RAVER1: variants seen among roughly 807,000 people sequenced by gnomAD.
The protein encoded by RAVER1 is ribonucleoprotein, PTB binding 1, also known as ribonucleoprotein PTB-binding 1.
In RAVER1, 36 loss-of-function variants were observed where a neutral mutation model predicts 68.4. The observed-to-expected ratio is 0.53, with a 90% CI of 0.40 to 0.70. RAVER1 has a LOEUF of 0.70. Ranked by LOEUF, RAVER1 falls within the 30% of genes least tolerant of loss-of-function variation. RAVER1 has a pLI of 0.00. For synonymous variants in RAVER1, 469 were observed against 472.7 expected (o/e 0.99, Z 0.10); for missense variants, 933 against 1,019.8 (o/e 0.91, Z 1.16).
chr19:10,332,835 A>G (rs1458460883), intron 1 of RAVER1, among the ~76,000 whole-genome samples: 1 of 152,244 alleles, frequency 6.6e-6, no homozygotes, highest in East Asian at 1.9e-4. Flanking sequence ...TATCTCTGAG[A>G]GCAGTGAATA....
At chr19:10,330,807 T>C (rs1350180364) in intron 1 of RAVER1, among the ~76,000 whole-genome samples, 1 of 152,212 alleles carries the variant, frequency 6.6e-6, no homozygotes, top group Non-Finnish European at 1.5e-5. Context: ...CTCACGCTTA[T>C]AATCCCAGCA....
Position 10,323,499 on chromosome 19 carries a change from G to A in RAVER1, c.824C>T (p.Ala275Val), listed in dbSNP as rs1307252828. ...GTCCGCCTGCTGCTGTGCCTCCTCC[G>A]CCATCTCAGCCGTCTCATACTCCAG... is the stretch of plus-strand genomic sequence containing the variant. ...AVLEYETAEM[A>V]EEAQQQADGL... Residue 275 changes from alanine to valine, a missense_variant, in exon 4 of 13, where the codon GCG becomes GTG. By Grantham distance (64) the Ala-to-Val change is moderately conservative. This residue lies in a region of RAVER1 where 699 missense variants were observed against 731.1 expected (regional missense o/e 0.96). Coordinates refer to ENST00000617231, the MANE Select transcript of RAVER1 (RefSeq NM_133452.3). The surrounding 1 kb of genome is among the most constrained non-coding windows in gnomAD (Gnocchi z 6.2). 3 of 1,609,122 alleles carry A rather than the reference G, an allele frequency of 1.9e-6. No individual in the cohort carries two copies. The highest frequency in any genetic ancestry group is 1.7e-6 in the Non-Finnish European group (2 of 1,179,668).
intron 1 of RAVER1, among the ~76,000 whole-genome samples, chr19:10,331,139 G>T (rs2040513196): frequency 6.6e-6 from 1 of 150,568 alleles, no homozygotes; most frequent in Admixed American, 6.6e-5. Context: ...CACGAGGTCA[G>T]GAGATCGAGA....
chr19:10,320,650 C>G lies in RAVER1; in HGVS notation c.1770+5G>C. The G allele has an allele frequency of 6.5e-7, 1 of 1,548,584 alleles. No individual in the cohort carries two copies. Among genetic ancestry groups the G allele is most frequent in the Non-Finnish European group, 8.7e-7 (1 of 1,149,902 alleles). ...GGGGACAGAGAGCTGCAGCCAGGCACTCACCGAGGGGTAGTCGAAGCTGTA... is the reference window on the plus strand; with the variant it reads ...GGGGACAGAGAGCTGCAGCCAGGCAGTCACCGAGGGGTAGTCGAAGCTGTA... On this transcript the variant is annotated splice_donor_5th_base_variant and intron_variant, in intron 9 of 12. Coordinates refer to ENST00000617231, the MANE Select transcript of RAVER1 (RefSeq NM_133452.3).
Position 10,320,847 on chromosome 19 carries a change from G to C in RAVER1, c.1578C>G (p.Ala526=). 1 of 1,513,544 alleles carries C rather than the reference G, an allele frequency of 6.6e-7. No homozygotes were observed. The highest frequency in any genetic ancestry group is 8.8e-7 in the Non-Finnish European group (1 of 1,138,004). The allele number at this position is 1,513,544 out of a possible 1,614,324, so 93.8% of individuals were successfully genotyped here. The change falls in exon 9 of 13, where the codon GCC becomes GCG. Residue 526 remains alanine, a synonymous_variant. Transcript: ENST00000617231. ...LPASNLAGKE[A]RGWGGAGRSR... ...TTCTCCCGGCGCCTCCCCAGCCCCG[G>C]GCCTCCTTACCCGCCAGGTTGCTGG...
chr19:10,320,313 G>A (rs530314902), intron 9 of RAVER1, among the ~76,000 whole-genome samples: 1 of 151,970 alleles, frequency 6.6e-6, no homozygotes, highest in South Asian at 2.1e-4. Flanking sequence ...AGACCAGCCT[G>A]GACAACACAA....
At chr19:10,320,463 C>T (rs1032667082) in intron 9 of RAVER1, among the ~76,000 whole-genome samples, 192 bp downstream of exon 9, 2 of 148,990 alleles carry the variant, frequency 1.3e-5, no homozygotes, top group Non-Finnish European at 3.0e-5. Context: ...ATGATCGCAC[C>T]ACTGCACTCC....
chr19:10,328,974 T>A lies in RAVER1; in HGVS notation c.424A>T (p.Ser142Cys), dbSNP rs751524914. ...ALLCVANLPP[S>C]LTQQQFEELV... ...TCCTCGAACTGCTGCTGTGTGAGGC[T>A]GGGGGGCAGGTTGGCCACACACAGC... Residue 142 changes from serine (S) to cysteine (C), a missense_variant, in exon 3 of 13, where the codon AGC becomes TGC. Ser to Cys is a moderately radical substitution (Grantham distance 112). Coordinates refer to ENST00000617231, the MANE Select transcript of RAVER1 (RefSeq NM_133452.3). This position sits in a 1 kb window ranked among gnomAD's most constrained non-coding sequence, Gnocchi z 4.4. 1.1e-5 allele frequency: 18 copies of A among 1,598,142 alleles called. No homozygotes were observed. The highest frequency in any genetic ancestry group is 1.7e-5 in the Admixed American group (1 of 59,216).
At position 10,317,186 on chromosome 19, in the gene RAVER1, G is replaced by T. The variant is rs2040396042; in HGVS notation, c.*268C>A. On this transcript the variant is annotated 3_prime_UTR_variant, in exon 13 of 13. Coordinates refer to ENST00000617231, the MANE Select transcript of RAVER1 (RefSeq NM_133452.3). This position sits in a 1 kb window ranked among gnomAD's most constrained non-coding sequence, Gnocchi z 4.3. The stretch of plus-strand genomic sequence containing the variant: ...ACGGGCACAGCGGAGGAGGAGATGG[G>T]GGGAGGGAGGGAGAGCAGGCCGGGG... 2.0e-6 allele frequency: 1 copy of T among 505,182 alleles called. No individual in the cohort carries two copies. Among genetic ancestry groups the T allele is most frequent in the Non-Finnish European group, 3.5e-6 (1 of 283,818 alleles). 31.3% of individuals were successfully genotyped at this position (505,182 alleles called of 1,614,324 possible).
chr19:10,317,866 GAAA>G lies in RAVER1; in HGVS notation c.1990-96_1990-94del. On this transcript the variant is annotated intron_variant, in intron 11 of 12. Transcript: ENST00000617231. This position sits in a 1 kb window ranked among gnomAD's most constrained non-coding sequence, Gnocchi z 4.3. ...CTGCCACTGCCCCCCAGCCCTGAGGGAAAGCGAACAGTTTCAGGTTCAAATCTT... is the reference window on the plus strand; with the variant it reads ...CTGCCACTGCCCCCCAGCCCTGAGGGGCGAACAGTTTCAGGTTCAAATCTT... 1 of 759,574 alleles carries G rather than the reference GAAA, an allele frequency of 1.3e-6. No individual in the cohort carries two copies. Among genetic ancestry groups the G allele is most frequent in the Non-Finnish European group, 2.3e-6 (1 of 438,732 alleles). The allele number at this position is 759,574 out of a possible 1,614,324, so 47.1% of individuals were successfully genotyped here.
At chr19:10,321,027 G>C in intron 8 of RAVER1, 21 bp downstream of exon 8, 1 of 1,454,644 alleles carries the variant, frequency 6.9e-7, no homozygotes, top group Non-Finnish European at 9.0e-7. Flanking sequence ...GTGTGGTGCC[G>C]CGCGCAGGGC....
chr19:10,321,697 C>T (rs376540352), intron 6 of RAVER1, 79 bp from the exon 7 acceptor site: 10 of 1,181,166 alleles, frequency 8.5e-6, no homozygotes, highest in Admixed American at 6.4e-5. Flanking sequence ...AGAGTCTTGG[C>T]AGACACACCC....
Position 10,322,534 on chromosome 19 carries a change from G to A in RAVER1, c.1173+111C>T, listed in dbSNP as rs114926856. ...GGGGAGTCGCCCTCACCCTGGTTCT[G>A]CGCCCCCAGGGCACAGCCAGAGGTC... is the stretch of plus-strand genomic sequence containing the variant. On this transcript the variant is annotated intron_variant, in intron 6 of 12. Coordinates refer to ENST00000617231, the MANE Select transcript of RAVER1 (RefSeq NM_133452.3). The surrounding 1 kb of genome is among the most constrained non-coding windows in gnomAD (Gnocchi z 4.3). 4,512 of 761,144 alleles carry A rather than the reference G, an allele frequency of 5.9e-3. 153 individuals are homozygous for A. The African/African-American group carries it at 0.077, about 13-fold the overall frequency. 47.1% of individuals were successfully genotyped at this position (761,144 alleles called of 1,614,324 possible).
At chr19:10,332,804 G>T (rs568088066) in intron 1 of RAVER1, among the ~76,000 whole-genome samples, 1 of 151,644 alleles carries the variant, frequency 6.6e-6, no homozygotes, top group Non-Finnish European at 1.5e-5. Context: ...AGACCCAGGG[G>T]CTGCTGTTAA....
intron 1 of RAVER1, among the ~76,000 whole-genome samples, chr19:10,332,910 C>A (rs1184554232): frequency 6.6e-6 from 1 of 152,166 alleles, no homozygotes; most frequent in African/African-American, 2.4e-5. Context: ...GGTCCCGCCA[C>A]CCTGTGGTAG....
rs144646475 is a variant in RAVER1 at position 10,328,549 on chromosome 19, CAA to C, written c.756+91_756+92del. ...CATGGGTGACAAAGTGAGACTGTCT[CAA>C]AAAAAAAAAAGAAAAGGCAGATGAC... is the stretch of plus-strand genomic sequence containing the variant. On this transcript the variant is annotated intron_variant, in intron 3 of 12. Coordinates refer to ENST00000617231, the MANE Select transcript of RAVER1 (RefSeq NM_133452.3). The surrounding 1 kb of genome is among the most constrained non-coding windows in gnomAD (Gnocchi z 4.4). 228 of 722,758 alleles carry C rather than the reference CAA, an allele frequency of 3.2e-4. No homozygotes were observed. Among genetic ancestry groups the C allele is most frequent in the Middle Eastern group, 1.2e-3 (3 of 2,502 alleles). The allele number at this position is 722,758 out of a possible 1,614,324, so 44.8% of individuals were successfully genotyped here. A position where few individuals can be genotyped will look rare whatever the true frequency, so the allele number is the denominator to read the frequency against.
chr19:10,331,391 A>ACC (rs2040516664), intron 1 of RAVER1, among the ~76,000 whole-genome samples: 2 of 78,422 alleles, frequency 2.6e-5, no homozygotes, highest in African/African-American at 1.0e-4. Flanking sequence ...AAATAACAAC[A>ACC]ACAAAAAAAA....
rs1043358947 is a variant in RAVER1 at position 10,317,369 on chromosome 19, G to C, written c.*85C>G. Reference sequence around the variant, plus strand: ...TTTCTATTACCGAAAGAGAGAAAATGGTTTAAAAAAAACACAAAACAAAAC... The same window carrying C: ...TTTCTATTACCGAAAGAGAGAAAATCGTTTAAAAAAAACACAAAACAAAAC... On this transcript the variant is annotated 3_prime_UTR_variant, in exon 13 of 13. Transcript: ENST00000617231. The surrounding 1 kb of genome is among the most constrained non-coding windows in gnomAD (Gnocchi z 4.3). 1 of 1,397,040 alleles carries C rather than the reference G, an allele frequency of 7.2e-7. No homozygotes were observed. Among genetic ancestry groups the C allele is most frequent in the African/African-American group, 1.4e-5 (1 of 69,774 alleles). 86.5% of individuals were successfully genotyped at this position (1,397,040 alleles called of 1,614,324 possible).
intron 3 of RAVER1, among the ~76,000 whole-genome samples, chr19:10,325,679 T>C (rs281422): frequency 0.83 from 126,753 of 152,084 alleles, 53,413 homozygotes; most frequent in African/African-American, 0.91. Context: ...GGCATGGTGA[T>C]GCATTCCTGT....
Sources: gnomAD v4.1 joint callset for allele counts (sites outside exome capture counted in the v4.1 genomes callset) on GRCh38, gnomAD v4.1.1 for gene constraint, gnomAD v4.1.1 regional missense constraint, Gnocchi (gnomAD v3.1) non-coding constraint, MANE v1.5 for transcripts, NCBI Gene and HGNC (gene_info 2026-07-23, HGNC 2026-07-21) for gene names.